Variants in PLEKHA5 observed in about 807,000 individuals in gnomAD.
The protein encoded by PLEKHA5 is pleckstrin homology domain-containing family A member 5.
PLEKHA5 carries 55 observed loss-of-function variants against 181.9 expected under a neutral mutation model. That is an observed-to-expected ratio of 0.30 (90% CI 0.24 to 0.38). The LOEUF (loss-of-function observed/expected upper bound fraction) is 0.38. PLEKHA5 is among the 10% of genes least tolerant of loss of function. The pLI, the probability that PLEKHA5 is intolerant of heterozygous loss-of-function variation, is 1.00. For synonymous variants in PLEKHA5, 535 were observed against 529.4 expected, an observed-to-expected ratio of 1.01 and a Z score of -0.15; for missense variants, 1,432 against 1,549.5, an observed-to-expected ratio of 0.92 and a Z score of 1.27.
chr12:19,195,769 GAT>G (rs148896450), intron 3 of PLEKHA5, among the ~76,000 whole-genome samples: 4 of 149,022 alleles, frequency 2.7e-5, no homozygotes, highest in African/African-American at 2.5e-5. Flanking sequence ...ATATCTATGA[GAT>G]ATATATATAT....
chr12:19,361,478 C>T (rs993828583), intron 28 of PLEKHA5, 104 bp from the exon 29 acceptor site: 9 of 667,704 alleles, frequency 1.3e-5, no homozygotes, highest in South Asian at 4.0e-5. Context: ...CCATCACGCC[C>T]GACCGTGATT....
At chr12:19,135,394 C>T (rs1312611930) in intron 3 of PLEKHA5, among the ~76,000 whole-genome samples, 1 of 152,048 alleles carries the variant, frequency 6.6e-6, no homozygotes, top group Non-Finnish European at 1.5e-5. Flanking sequence ...AAAAGGCAAC[C>T]TCTAAATTCC....
intron 10 of PLEKHA5, among the ~76,000 whole-genome samples, chr12:19,273,453 A>G (rs2073642535): frequency 6.6e-6 from 1 of 151,986 alleles, no homozygotes; most frequent in African/African-American, 2.4e-5. Flanking sequence ...ATAGATCTAC[A>G]TCCTTTCCAC....
chr12:19,200,548 T>G, intron 3 of PLEKHA5: 11 of 1,305,196 alleles, frequency 8.4e-6, no homozygotes, highest in Non-Finnish European at 1.1e-5. Flanking sequence ...GTCTCACTCC[T>G]CTTTTCCTCA....
At chr12:19,298,141 G>A (rs2080404468) in intron 15 of PLEKHA5, among the ~76,000 whole-genome samples, 1 of 152,092 alleles carries the variant, frequency 6.6e-6, no homozygotes, top group Non-Finnish European at 1.5e-5. Flanking sequence ...AGAGGTTGCA[G>A]TGAACCGAGA....
chr12:19,255,689 GCTAA>G (rs1395410705), intron 5 of PLEKHA5, among the ~76,000 whole-genome samples: 1 of 151,080 alleles, frequency 6.6e-6, no homozygotes, highest in South Asian at 2.1e-4. Flanking sequence ...AATCCAACAG[GCTAA>G]CTGAGCATAA....
chr12:19,173,148 C>T (rs370212308), intron 3 of PLEKHA5, among the ~76,000 whole-genome samples: 5,483 of 148,754 alleles, frequency 0.037, 324 homozygotes, highest in African/African-American at 0.13. Context: ...CTCAGCCTCC[C>T]GAGTAGCTGG....
chr12:19,302,774 C>G (rs2081917001), intron 15 of PLEKHA5, among the ~76,000 whole-genome samples: 1 of 151,768 alleles, frequency 6.6e-6, no homozygotes, highest in African/African-American at 2.4e-5. Flanking sequence ...TTTGTAGTTA[C>G]ATATATATAT....
At chr12:19,148,643 AT>A (rs2039562972) in intron 3 of PLEKHA5, among the ~76,000 whole-genome samples, 1 of 152,250 alleles carries the variant, frequency 6.6e-6, no homozygotes, top group Non-Finnish European at 1.5e-5. Flanking sequence ...AGGAGGTAAC[AT>A]GTATATTATC....
At chr12:19,252,875 T>C (rs1292122126) in intron 3 of PLEKHA5, among the ~76,000 whole-genome samples, 3 of 152,052 alleles carry the variant, frequency 2.0e-5, no homozygotes, top group Admixed American at 2.0e-4. Flanking sequence ...ATAGTAGTAC[T>C]GTTAGGTTTT....
At chr12:19,281,325 C>A (rs117797354) in intron 11 of PLEKHA5, among the ~76,000 whole-genome samples, 1 of 151,942 alleles carries the variant, frequency 6.6e-6, no homozygotes, top group Admixed American at 6.6e-5. Context: ...TCCTGTAATC[C>A]TGGCACTTTA....
intron 15 of PLEKHA5, among the ~76,000 whole-genome samples, chr12:19,308,005 A>T (rs1461285773): frequency 1.3e-5 from 2 of 152,300 alleles, no homozygotes; most frequent in East Asian, 3.9e-4. Context: ...AAAGATAGGG[A>T]AAAGGACCAG....
chr12:19,264,827 T>C (rs2069775615), intron 7 of PLEKHA5, among the ~76,000 whole-genome samples: 1 of 152,202 alleles, frequency 6.6e-6, no homozygotes, highest in Non-Finnish European at 1.5e-5. Context: ...AAAAGAATTA[T>C]TTCACTTTTA....
At chr12:19,295,313 G>A (rs2079483363) in intron 15 of PLEKHA5, among the ~76,000 whole-genome samples, 1 of 152,136 alleles carries the variant, frequency 6.6e-6, no homozygotes. Context: ...TGTACTGAAT[G>A]GATTTAACAT....
intron 15 of PLEKHA5, among the ~76,000 whole-genome samples, chr12:19,313,350 G>A (rs1204099681): frequency 6.6e-6 from 1 of 152,116 alleles, no homozygotes; most frequent in Non-Finnish European, 1.5e-5. Context: ...ATTCCAATCT[G>A]GGCAACAGAT....
At chr12:19,259,707 T>C (rs2067859653) in intron 6 of PLEKHA5, among the ~76,000 whole-genome samples, 1 of 150,256 alleles carries the variant, frequency 6.7e-6, no homozygotes, top group Non-Finnish European at 1.5e-5. Context: ...GCTGAGATTG[T>C]AGCACTACAC....
At chr12:19,203,505 G>C (rs893524806) in intron 3 of PLEKHA5, among the ~76,000 whole-genome samples, 6 of 151,968 alleles carry the variant, frequency 3.9e-5, no homozygotes, top group African/African-American at 1.5e-4. Flanking sequence ...TCTCAGCCTT[G>C]ACCTGGCTGT....
At chr12:19,371,005 C>CTT (rs34940438) in intron 31 of PLEKHA5, 11 of 139,200 alleles carry the variant, frequency 7.9e-5, no homozygotes, top group African/African-American at 8.0e-5. Flanking sequence ...ATTTTCTCTC[C>CTT]TTTTTTTTTT....
Position 19,320,011 on chromosome 12 carries a change from T to C in PLEKHA5, c.2119-10T>C, listed in dbSNP as rs1448351440. ...AATTAAACCCATCCTTTTCCTTCAT[T>C]ATCTTTTAGTTCTTAAGACAGAAGA... On this transcript the variant is annotated splice_polypyrimidine_tract_variant and intron_variant, in intron 16 of 31. Coordinates refer to ENST00000429027, the MANE Select transcript of PLEKHA5 (RefSeq NM_001256470.2). 15 of 1,351,514 alleles carry C rather than the reference T, an allele frequency of 1.1e-5. No individual in the cohort carries two copies. The Admixed American group carries it at 1.7e-4, about 15-fold the overall frequency. 83.7% of individuals were successfully genotyped at this position (1,351,514 alleles called of 1,614,324 possible). A position where few individuals can be genotyped will look rare whatever the true frequency, so the allele number is the denominator to read the frequency against.
Sources: gnomAD v4.1 joint callset for allele counts (sites outside exome capture counted in the v4.1 genomes callset) on GRCh38, gnomAD v4.1.1 for gene constraint, MANE v1.5 for transcripts, NCBI Gene and HGNC (gene_info 2026-07-23, HGNC 2026-07-21) for gene names.